NXPH1: variants seen among roughly 807,000 people sequenced by gnomAD.
NXPH1 encodes the protein neurexophilin 1, also known as neurexophilin-1.
Under a neutral mutation model 23.7 loss-of-function variants are expected in NXPH1, and 5 were observed. The observed-to-expected ratio is 0.21, with a 90% CI of 0.11 to 0.44. NXPH1 has a LOEUF of 0.44. NXPH1 is among the 20% of genes least tolerant of loss of function. The pLI is 0.99. For synonymous variants in NXPH1, 144 were observed against 122.2 expected (o/e 1.18, Z -1.18); for missense variants, 324 against 321.6 (o/e 1.01, Z -0.06).
chr7:8,461,404 A>G (rs1467439325), intron 2 of NXPH1, among the ~76,000 whole-genome samples: 1 of 152,208 alleles, frequency 6.6e-6, no homozygotes, highest in Non-Finnish European at 1.5e-5. Context: ...TAAAAGAATT[A>G]AGGAGACTTG....
Position 8,596,367 on chromosome 7 carries a change from G to A in NXPH1, c.55-154641G>A, listed in dbSNP as rs568935282. 2.6e-5 allele frequency among the ~76,000 whole-genome samples: 4 copies of A among 152,204 alleles called. No individual in the cohort carries two copies. The East Asian group carries it at 5.8e-4, about 22-fold the overall frequency. On this transcript the variant is annotated intron_variant, in intron 2 of 2. Transcript: ENST00000405863. ...AAGTGACAGAATAGCGTACCTGGAA[G>A]GAGTTAATGAAGACATTTAGTTATT...
intron 2 of NXPH1, among the ~76,000 whole-genome samples, chr7:8,605,764 C>T (rs1819473141): frequency 6.6e-6 from 1 of 151,894 alleles, no homozygotes; most frequent in Admixed American, 6.6e-5. Flanking sequence ...CAATAAAAAT[C>T]AAATAAGATT....
chr7:8,646,556 A>G (rs887402796), intron 2 of NXPH1, among the ~76,000 whole-genome samples: 1 of 152,136 alleles, frequency 6.6e-6, no homozygotes, highest in African/African-American at 2.4e-5. Flanking sequence ...AAATATGACT[A>G]TAGGCTTTGT....
intron 2 of NXPH1, among the ~76,000 whole-genome samples, chr7:8,729,451 T>C (rs1780112476): frequency 7.1e-6 from 1 of 140,450 alleles, no homozygotes; most frequent in Non-Finnish European, 1.5e-5. Flanking sequence ...ATTTTGGATC[T>C]TTCCTGCTTT....
intron 2 of NXPH1, among the ~76,000 whole-genome samples, chr7:8,601,597 A>G (rs1239566006): frequency 1.3e-5 from 2 of 152,178 alleles, no homozygotes; most frequent in Admixed American, 6.5e-5. Context: ...CACCAAAGTT[A>G]TGCTTGAATC....
At chr7:8,493,349 T>G (rs1584191793) in intron 2 of NXPH1, among the ~76,000 whole-genome samples, 1 of 151,966 alleles carries the variant, frequency 6.6e-6, no homozygotes, top group Admixed American at 6.6e-5. Context: ...AAATGTAGGG[T>G]TCAAACTCAG....
rs542856116 is a variant in NXPH1 at position 8,535,404 on chromosome 7, T to A, written c.54+99637T>A. ...AAGCCCTTGATGATGTACTTCTGAA[T>A]AACCTTGGCTATTAACAAAAATATA... On this transcript the variant is annotated intron_variant, in intron 2 of 2. Coordinates refer to ENST00000405863, the MANE Select transcript of NXPH1 (RefSeq NM_152745.3). Among the ~76,000 whole-genome samples, 3 of 152,204 alleles carry A rather than the reference T, an allele frequency of 2.0e-5. No individual in the cohort carries two copies. The East Asian group carries it at 5.8e-4, about 30-fold the overall frequency.
chr7:8,649,084 A>G (rs896166613), intron 2 of NXPH1, among the ~76,000 whole-genome samples: 9 of 151,348 alleles, frequency 5.9e-5, no homozygotes, highest in Non-Finnish European at 1.0e-4. Flanking sequence ...TTATTCATCT[A>G]TTCCATATAT....
chr7:8,738,705 T>C (rs1462084402), intron 2 of NXPH1, among the ~76,000 whole-genome samples: 1 of 152,218 alleles, frequency 6.6e-6, no homozygotes, highest in Admixed American at 6.5e-5. Context: ...CATTTAAGTC[T>C]GCCAAAGCTG....
At position 8,434,614 on chromosome 7, in the gene NXPH1, G is replaced by C. The variant is rs1157376558; in HGVS notation, c.-252G>C. 1 of 152,730 alleles carries C rather than the reference G, an allele frequency of 6.5e-6. No individual in the cohort carries two copies. The highest frequency in any genetic ancestry group is 1.5e-5 in the Non-Finnish European group (1 of 68,090). The allele number at this position is 152,730 out of a possible 1,614,324, so 9.5% of individuals were successfully genotyped here. ...TCCGCCAAAGCTGGACGAGGCAGCC[G>C]GACCCGTCTGCGCTCGAGCATGGAG... On this transcript the variant is annotated 5_prime_UTR_variant, in exon 1 of 3. Transcript: ENST00000405863. This position sits in a 1 kb window ranked among gnomAD's most constrained non-coding sequence, Gnocchi z 7.6.
At chr7:8,712,094 C>G (rs756595024) in intron 2 of NXPH1, among the ~76,000 whole-genome samples, 24 of 152,186 alleles carry the variant, frequency 1.6e-4, no homozygotes, top group Non-Finnish European at 2.8e-4. Context: ...CTTGATTTCA[C>G]TGACATGTGC....
chr7:8,485,755 G>C (rs533805354), intron 2 of NXPH1, among the ~76,000 whole-genome samples: 2 of 152,108 alleles, frequency 1.3e-5, no homozygotes, highest in Non-Finnish European at 2.9e-5. Context: ...TAAGTTTCAA[G>C]GGAGACATCA....
intron 2 of NXPH1, among the ~76,000 whole-genome samples, chr7:8,611,774 G>A (rs1819627647): frequency 6.6e-6 from 1 of 152,088 alleles, no homozygotes; most frequent in African/African-American, 2.4e-5. Context: ...ACTTTGGTTA[G>A]GTAGTAGGTG....
chr7:8,435,701 G>C lies in NXPH1; in HGVS notation c.-13G>C. The C allele has an allele frequency of 6.2e-7, 1 of 1,613,850 alleles. No individual in the cohort carries two copies. Among genetic ancestry groups the C allele is most frequent in the Non-Finnish European group, 8.5e-7 (1 of 1,179,742 alleles). ...AAAGAAGGCACCGCCAAGGAAGTTT[G>C]AGACGCGGGAGAATGCAGGCTGCGT... On this transcript the variant is annotated 5_prime_UTR_variant, in exon 2 of 3. It removes the in-frame stop codon of an upstream open reading frame in the 5' UTR. Transcript: ENST00000405863. This position sits in a 1 kb window ranked among gnomAD's most constrained non-coding sequence, Gnocchi z 5.9.
At chr7:8,696,060 T>C (rs1779497436) in intron 2 of NXPH1, among the ~76,000 whole-genome samples, 1 of 152,246 alleles carries the variant, frequency 6.6e-6, no homozygotes, top group Non-Finnish European at 1.5e-5. Flanking sequence ...GTGTGCACTG[T>C]AACTTGTATA....
chr7:8,714,068 G>T (rs924600844), intron 2 of NXPH1, among the ~76,000 whole-genome samples: 1 of 152,196 alleles, frequency 6.6e-6, no homozygotes, highest in African/African-American at 2.4e-5. Flanking sequence ...TGCAGTCTAG[G>T]ATCCAGGGTC....
chr7:8,611,074 A>AATGAGTTATC, intron 2 of NXPH1, among the ~76,000 whole-genome samples: 1 of 152,242 alleles, frequency 6.6e-6, no homozygotes, highest in South Asian at 2.1e-4. Flanking sequence ...AGAAATTGCA[A>AATGAGTTATC]ATGAGTTATC....
At chr7:8,714,523 C>T (rs745675690) in intron 2 of NXPH1, among the ~76,000 whole-genome samples, 1 of 151,730 alleles carries the variant, frequency 6.6e-6, no homozygotes, top group Middle Eastern at 3.4e-3. Flanking sequence ...TTTCCATAGC[C>T]ACCACAGATG....
At chr7:8,654,266 T>G (rs557053615) in intron 2 of NXPH1, among the ~76,000 whole-genome samples, 5 of 152,122 alleles carry the variant, frequency 3.3e-5, no homozygotes, top group Admixed American at 1.3e-4. Context: ...TTTCCTGGAG[T>G]TAGATTCCAA....
Sources: gnomAD v4.1 joint callset for allele counts (sites outside exome capture counted in the v4.1 genomes callset) on GRCh38, gnomAD v4.1.1 for gene constraint, Gnocchi (gnomAD v3.1) non-coding constraint, MANE v1.5 for transcripts, NCBI Gene and HGNC (gene_info 2026-07-23, HGNC 2026-07-21) for gene names.